The following POLR3B variants were observed in gnomAD, a reference collection of about 807,000 sequenced individuals.
POLR3B encodes the protein RNA polymerase III subunit B, also known as DNA-directed RNA polymerase III subunit RPC2.
POLR3B carries 96 observed loss-of-function variants against 147.4 expected under a neutral mutation model. The observed-to-expected ratio is 0.65, with a 90% CI of 0.55 to 0.77. The LOEUF is 0.77. POLR3B is among the 30% of genes least tolerant of loss of function. POLR3B has a pLI of 0.00. For synonymous variants in POLR3B, 461 were observed against 485.9 expected (o/e 0.95, Z 0.67); for missense variants, 1,036 against 1,413.5 (o/e 0.73, Z 4.28).
intron 11 of POLR3B, 109 bp from the exon 12 acceptor site, chr12:106,410,717 C>G: frequency 1.1e-6 from 1 of 925,612 alleles, no homozygotes; most frequent in South Asian, 1.4e-5. Flanking sequence ...AGAATCATAA[C>G]AATTCAGTAT....
intron 23 of POLR3B, among the ~76,000 whole-genome samples, chr12:106,491,065 T>G (rs964822270): frequency 1.1e-4 from 16 of 152,206 alleles, no homozygotes; most frequent in African/African-American, 3.9e-4. Flanking sequence ...GTTGGTCTCC[T>G]TTGCTTTGCT....
At position 106,405,872 on chromosome 12, in the gene POLR3B, G is replaced by A. The variant is rs1270407007; in HGVS notation, c.862G>A (p.Gly288Arg). ...FTQMQALKYI[G>R]NKVRRQRMWG... ...TTTTTTATAGGCATTAAAATATATA[G>A]GGAACAAAGTAAGAAGGCAAAGGAT... Residue 288 changes from glycine to arginine, a missense_variant, in exon 11 of 28, where the codon GGG becomes AGG. This residue lies in a region of POLR3B where 217 missense variants were observed against 288.7 expected (regional missense o/e 0.75). Coordinates refer to ENST00000228347, the MANE Select transcript of POLR3B (RefSeq NM_018082.6). 4 of 1,612,916 alleles carry A rather than the reference G, an allele frequency of 2.5e-6. No individual in the cohort carries two copies. The highest frequency in any genetic ancestry group is 3.4e-6 in the Non-Finnish European group (4 of 1,179,082).
intron 23 of POLR3B, among the ~76,000 whole-genome samples, chr12:106,465,019 C>T (rs1005962250): frequency 1.3e-5 from 2 of 152,090 alleles, no homozygotes; most frequent in Non-Finnish European, 2.9e-5. Flanking sequence ...TATATAGTTC[C>T]CTGAGATACT....
intron 19 of POLR3B, 110 bp downstream of exon 19, chr12:106,444,700 T>C: frequency 8.7e-7 from 1 of 1,152,900 alleles, no homozygotes; most frequent in Non-Finnish European, 1.3e-6. Flanking sequence ...AACCAGGCAC[T>C]GGGAACACCT....
chr12:106,381,738 A>T (rs944287324), intron 9 of POLR3B, among the ~76,000 whole-genome samples: 2 of 152,242 alleles, frequency 1.3e-5, no homozygotes, highest in Non-Finnish European at 2.9e-5. Context: ...ATATACAAAC[A>T]TTCTTTTTTT....
intron 4 of POLR3B, among the ~76,000 whole-genome samples, chr12:106,367,348 A>G (rs376935002): frequency 1.2e-4 from 18 of 152,356 alleles, no homozygotes; most frequent in African/African-American, 4.1e-4. Context: ...TTACATAACC[A>G]TAGCACAATG....
At chr12:106,507,573 A>G (rs2038709237) in intron 27 of POLR3B, 1 of 259,110 alleles carries the variant, frequency 3.9e-6, no homozygotes, top group Non-Finnish European at 7.7e-6. Flanking sequence ...GTAATTTTTG[A>G]ACTCGAATGC....
chr12:106,392,430 T>A (rs756489737), intron 9 of POLR3B, among the ~76,000 whole-genome samples: 3 of 152,226 alleles, frequency 2.0e-5, no homozygotes, highest in Admixed American at 2.0e-4. Context: ...CCCAAAGTGC[T>A]AGGATTACAG....
At chr12:106,495,882 AC>A in intron 23 of POLR3B, 172 bp from the exon 24 acceptor site, 2 of 714,430 alleles carry the variant, frequency 2.8e-6, no homozygotes, top group Non-Finnish European at 2.6e-6. Flanking sequence ...TCGTTTTTGA[AC>A]TGTTTGTCAA....
At position 106,363,234 on chromosome 12, in the gene POLR3B, A is replaced by G. The variant is rs538903768; in HGVS notation, c.73-636A>G. 2.0e-5 allele frequency among the ~76,000 whole-genome samples: 3 copies of G among 152,296 alleles called. No homozygotes were observed. In the East Asian group the frequency reaches 5.8e-4, roughly 29 times the overall value. On this transcript the variant is annotated intron_variant, in intron 1 of 27. Coordinates refer to ENST00000228347, the MANE Select transcript of POLR3B (RefSeq NM_018082.6). ...ATATCTCCAGGCCACTCCATTCCCG[A>G]ATTCAAGACTCATTTGTTGCCTCCT...
chr12:106,500,896 G>A (rs2038589670), intron 25 of POLR3B, among the ~76,000 whole-genome samples: 1 of 152,190 alleles, frequency 6.6e-6, no homozygotes, highest in Non-Finnish European at 1.5e-5. Context: ...GGTGAGTTCA[G>A]GACAGAAGAA....
chr12:106,463,296 A>C (rs1417946880), intron 22 of POLR3B, among the ~76,000 whole-genome samples, 182 bp from the exon 23 acceptor site: 1 of 152,192 alleles, frequency 6.6e-6, no homozygotes, highest in Non-Finnish European at 1.5e-5. Flanking sequence ...AACGTGTAGC[A>C]TTGTAAAAGG....
intron 25 of POLR3B, chr12:106,500,176 TC>T (rs2038575580): frequency 2.2e-6 from 1 of 455,796 alleles, no homozygotes; most frequent in African/African-American, 2.0e-5. Flanking sequence ...GGTAGTTGCT[TC>T]CTTCCCTTTG....
At chr12:106,388,013 G>A (rs1016184292) in intron 9 of POLR3B, among the ~76,000 whole-genome samples, 5 of 152,162 alleles carry the variant, frequency 3.3e-5, no homozygotes, top group Non-Finnish European at 7.4e-5. Flanking sequence ...CAGTCATTAG[G>A]ACTTGATGGT....
intron 12 of POLR3B, among the ~76,000 whole-genome samples, chr12:106,413,128 T>G (rs2037251224): frequency 1.3e-5 from 2 of 152,184 alleles, no homozygotes; most frequent in African/African-American, 2.4e-5. Flanking sequence ...CAACAGTTCT[T>G]AATTTTGAAA....
intron 26 of POLR3B, among the ~76,000 whole-genome samples, chr12:106,502,227 AC>A (rs2137085978): frequency 6.6e-6 from 1 of 152,230 alleles, no homozygotes; most frequent in African/African-American, 2.4e-5. Context: ...ACAGCCCCCT[AC>A]AACAGAGTTA....
intron 23 of POLR3B, among the ~76,000 whole-genome samples, chr12:106,487,734 G>T (rs1347331281): frequency 6.6e-6 from 1 of 152,202 alleles, no homozygotes; most frequent in Non-Finnish European, 1.5e-5. Context: ...CGCTTCAAAG[G>T]TGGTAGGATA....
Position 106,501,260 on chromosome 12 carries a change from A to C in POLR3B, c.2985-63A>C, listed in dbSNP as rs922876177. ...TAAGGACCTGCCAGTGATGGGTCCAAAGGCTGTCTCTTGTTAGCCCAAACT... is the reference window on the plus strand; with the variant it reads ...TAAGGACCTGCCAGTGATGGGTCCACAGGCTGTCTCTTGTTAGCCCAAACT... On this transcript the variant is annotated intron_variant, in intron 25 of 27. Coordinates refer to ENST00000228347, the MANE Select transcript of POLR3B (RefSeq NM_018082.6). The C allele has an allele frequency of 8.5e-5, 84 of 991,394 alleles. 1 individual carries two copies. In the South Asian group the frequency reaches 1.0e-3, roughly 12 times the overall value. 61.4% of individuals were successfully genotyped at this position (991,394 alleles called of 1,614,324 possible).
Position 106,391,363 on chromosome 12 carries a change from T to G in POLR3B, c.724-1668T>G, listed in dbSNP as rs560071871. On this transcript the variant is annotated intron_variant, in intron 9 of 27. Coordinates refer to ENST00000228347, the MANE Select transcript of POLR3B (RefSeq NM_018082.6). Reference sequence around the variant, plus strand: ...TCATCATACGTGCCACCTTCACATTTTTTTCTATAGAGGTGAGGCATTGAG... The same window carrying G: ...TCATCATACGTGCCACCTTCACATTGTTTTCTATAGAGGTGAGGCATTGAG... Among the ~76,000 whole-genome samples, 4 of 152,256 alleles carry G rather than the reference T, an allele frequency of 2.6e-5. No homozygotes were observed. In the South Asian group the frequency reaches 8.3e-4, roughly 32 times the overall value.
Sources: allele counts gnomAD v4.1 joint callset (sites outside exome capture counted in the v4.1 genomes callset), GRCh38; gene constraint gnomAD v4.1.1; regional missense constraint gnomAD v4.1.1; transcripts MANE v1.5; gene names NCBI Gene and HGNC (gene_info 2026-07-23, HGNC 2026-07-21).